The following CNTN5 variants were observed in gnomAD, a reference collection of about 807,000 sequenced individuals.
CNTN5 encodes contactin 5.
CNTN5 carries 77 observed loss-of-function variants against 129.1 expected under a neutral mutation model. The observed-to-expected ratio is 0.60, with a 90% confidence interval of 0.50 to 0.72. The LOEUF (loss-of-function observed/expected upper bound fraction) is 0.72, where lower values mean the gene tolerates loss of function less well. Among genes scored for constraint, CNTN5 ranks in the 30% least tolerant of loss-of-function variants. The pLI is 0.00. For synonymous variants in CNTN5, 509 were observed against 465.6 expected, an observed-to-expected ratio of 1.09 and a Z score of -1.20; for missense variants, 1,478 against 1,328.8, an observed-to-expected ratio of 1.11 and a Z score of -1.75.
chr11:99,106,196 A>G (rs561711225), intron 1 of CNTN5, among the ~76,000 whole-genome samples: 21 of 152,138 alleles, frequency 1.4e-4, no homozygotes, highest in Non-Finnish European at 2.4e-4. Flanking sequence ...TCATGATGTC[A>G]CACTTAAAAT....
chr11:99,972,980 A>G (rs981888023), intron 8 of CNTN5, among the ~76,000 whole-genome samples: 16 of 105,080 alleles, frequency 1.5e-4, no homozygotes, highest in Admixed American at 9.6e-4. Flanking sequence ...TACTTGCGAC[A>G]TGTTTTTTTA....
At chr11:99,424,094 C>T (rs1015462779) in intron 2 of CNTN5, among the ~76,000 whole-genome samples, 1 of 152,078 alleles carries the variant, frequency 6.6e-6, no homozygotes, top group Admixed American at 6.6e-5. Flanking sequence ...ACATATGATA[C>T]AGCTTAATTT....
chr11:99,407,963 C>T lies in CNTN5; in HGVS notation c.-71+82479C>T, dbSNP rs367600326. ...TTGGAGAAGTGTGACATCGGTGATT[C>T]GGAACTGTTTTTTCTACCTGTTCAG... On this transcript the variant is annotated intron_variant, in intron 2 of 24. Transcript: ENST00000524871. Among the ~76,000 whole-genome samples, 9 of 152,188 alleles carry T rather than the reference C, an allele frequency of 5.9e-5. No individual in the cohort carries two copies. In the South Asian group the frequency reaches 8.3e-4, roughly 14 times the overall value.
intron 1 of CNTN5, among the ~76,000 whole-genome samples, chr11:99,076,147 A>G (rs1380361626): frequency 6.6e-6 from 1 of 152,056 alleles, no homozygotes; most frequent in East Asian, 1.9e-4. Context: ...CAACCTGACC[A>G]GCATGGTGAA....
At chr11:100,273,728 G>C (rs1226590963) in intron 18 of CNTN5, among the ~76,000 whole-genome samples, 2 of 152,150 alleles carry the variant, frequency 1.3e-5, no homozygotes, top group East Asian at 3.9e-4. Flanking sequence ...TCCCCAGGGA[G>C]ACAGGCACCC....
intron 7 of CNTN5, among the ~76,000 whole-genome samples, chr11:99,922,224 A>G (rs1289759608): frequency 6.6e-6 from 1 of 152,196 alleles, no homozygotes; most frequent in Admixed American, 6.5e-5. Context: ...TTCTAAAGCC[A>G]CCAGATCTTG....
At chr11:99,677,390 T>A (rs1441849943) in intron 3 of CNTN5, among the ~76,000 whole-genome samples, 1 of 152,162 alleles carries the variant, frequency 6.6e-6, no homozygotes, top group South Asian at 2.1e-4. Flanking sequence ...AGGACAAGAA[T>A]GTAACTAACA....
chr11:100,152,648 C>T (rs539643134), intron 13 of CNTN5, among the ~76,000 whole-genome samples: 2 of 152,066 alleles, frequency 1.3e-5, no homozygotes, highest in East Asian at 3.9e-4. Flanking sequence ...TTTAGTGCCT[C>T]CTTCTAAAGG....
intron 2 of CNTN5, among the ~76,000 whole-genome samples, chr11:99,502,976 C>T (rs1028039694): frequency 1.3e-5 from 2 of 152,172 alleles, no homozygotes; most frequent in African/African-American, 2.4e-5. Flanking sequence ...TCTTGGGTTA[C>T]AATTTCCCAA....
intron 15 of CNTN5, among the ~76,000 whole-genome samples, chr11:100,200,734 T>C (rs552200388): frequency 3.8e-4 from 58 of 152,006 alleles, no homozygotes; most frequent in African/African-American, 1.2e-3. Flanking sequence ...TTTTAGGTTA[T>C]TGGATAGAAA....
intron 3 of CNTN5, among the ~76,000 whole-genome samples, chr11:99,626,332 T>C (rs1951131480): frequency 6.8e-6 from 1 of 147,854 alleles, no homozygotes; most frequent in East Asian, 2.0e-4. Flanking sequence ...AGTTGGAACA[T>C]GAGAAACTGT....
intron 13 of CNTN5, among the ~76,000 whole-genome samples, chr11:100,173,724 C>T (rs1194255256): frequency 1.3e-5 from 2 of 152,112 alleles, no homozygotes; most frequent in Non-Finnish European, 2.9e-5. Flanking sequence ...CACAGGTGTG[C>T]TTACAAGAGC....
intron 3 of CNTN5, among the ~76,000 whole-genome samples, chr11:99,809,909 A>G (rs1033433993): frequency 4.6e-5 from 7 of 152,144 alleles, no homozygotes; most frequent in Non-Finnish European, 1.0e-4. Context: ...TAATTATCCA[A>G]AACAAGAGGG....
chr11:99,631,566 A>G (rs1951351567), intron 3 of CNTN5, among the ~76,000 whole-genome samples: 1 of 152,012 alleles, frequency 6.6e-6, no homozygotes, highest in Admixed American at 6.6e-5. Context: ...ATTCAGTTGT[A>G]TTTACTTTTT....
intron 3 of CNTN5, among the ~76,000 whole-genome samples, chr11:99,678,381 C>A (rs4753957): frequency 0.031 from 4,649 of 152,144 alleles, 108 homozygotes; most frequent in Admixed American, 0.072. Context: ...ACAAAACAAT[C>A]ATTGCAACAT....
chr11:99,740,052 ATAT>A (rs142684237), intron 3 of CNTN5, among the ~76,000 whole-genome samples: 34,440 of 151,986 alleles, frequency 0.23, 4,232 homozygotes, highest in Admixed American at 0.35. Context: ...AAATACTATA[ATAT>A]TATTTCAAAA....
chr11:99,476,983 T>G (rs1945395095), intron 2 of CNTN5, among the ~76,000 whole-genome samples: 1 of 151,996 alleles, frequency 6.6e-6, no homozygotes, highest in Non-Finnish European at 1.5e-5. Context: ...TTTGTGGTTT[T>G]GCTTTTTTCT....
At chr11:99,682,959 G>A (rs1179835053) in intron 3 of CNTN5, among the ~76,000 whole-genome samples, 2 of 151,838 alleles carry the variant, frequency 1.3e-5, no homozygotes, top group African/African-American at 4.8e-5. Context: ...TTGGTGCAGG[G>A]AAATATAAAG....
chr11:99,743,704 G>A (rs566471701), intron 3 of CNTN5, among the ~76,000 whole-genome samples: 38 of 152,148 alleles, frequency 2.5e-4, no homozygotes, highest in South Asian at 6.2e-4. Flanking sequence ...CTCTTAGTAC[G>A]TGTAAAAAGT....
Sources: gnomAD v4.1 joint callset for allele counts (sites outside exome capture counted in the v4.1 genomes callset) on GRCh38, gnomAD v4.1.1 for gene constraint, MANE v1.5 for transcripts, NCBI Gene and HGNC (gene_info 2026-07-23, HGNC 2026-07-21) for gene names.